The following CYBB variants were observed in gnomAD, a reference collection of about 807,000 sequenced individuals.
CYBB encodes the protein cytochrome b-245 beta chain.
Under a neutral mutation model 46.5 loss-of-function variants are expected in CYBB, and 5 were observed. That is an observed-to-expected ratio of 0.11 (90% CI 0.06 to 0.23). The LOEUF is 0.23. Ranked by LOEUF, CYBB falls within the 10% of genes least tolerant of loss-of-function variation. The probability of loss-of-function intolerance (pLI) is 1.00; values close to 1 mark genes in which losing one functional copy is unlikely to be tolerated. For missense variants in CYBB, 307 were observed against 428.3 expected, an observed-to-expected ratio of 0.72 and a Z score of 2.50; for synonymous variants, 183 against 156.7, an observed-to-expected ratio of 1.17 and a Z score of -1.26.
At chrX:37,783,410 C>A in intron 2 of CYBB, 80 bp from the exon 3 acceptor site, 1 of 646,154 alleles carries the variant, frequency 1.5e-6, no homozygotes, top group Non-Finnish European at 2.6e-6. Flanking sequence ...TGGCCTCATG[C>A]TAAGAACCTT....
At chrX:37,793,897 CA>C (rs367874125) in intron 5 of CYBB, 87 bp downstream of exon 5, 72,180 of 583,795 alleles carry the variant, frequency 0.12, 1 homozygote, top group East Asian at 0.15. Flanking sequence ...TCTCCTTTGC[CA>C]AAAAAAAAAA....
intron 6 of CYBB, among the ~76,000 whole-genome samples, chrX:37,798,524 C>T (rs1220554878): frequency 8.9e-6 from 1 of 112,012 alleles, no homozygotes; most frequent in East Asian, 2.8e-4. Context: ...AAAGTTAGCC[C>T]ACACTTTGAT....
At chrX:37,790,108 GAAAC>G (rs1390331819) in intron 3 of CYBB, among the ~76,000 whole-genome samples, 3 of 111,824 alleles carry the variant, frequency 2.7e-5, no homozygotes, top group East Asian at 2.8e-4. Context: ...ACCAAAGAAC[GAAAC>G]AAACAAAGTA....
chrX:37,809,764 A>ACTT lies in CYBB; in HGVS notation c.1586+74_1586+76dup, dbSNP rs112437014. 2.7e-3 allele frequency: 2,876 copies of ACTT among 1,081,287 alleles called. 50 individuals carry two copies. In the African/African-American group the frequency reaches 0.047, roughly 18 times the overall value. 89.1% of individuals were successfully genotyped at this position (1,081,287 alleles called of 1,213,427 possible). A position where few individuals can be genotyped will look rare whatever the true frequency, so the allele number is the denominator to read the frequency against. Reference sequence around the variant, plus strand: ...AGCGGCAGCCCCTATACATATCTAAACTTATATATTTTAGAAACTCAAATA... The same window carrying ACTT: ...AGCGGCAGCCCCTATACATATCTAAACTTCTTATATATTTTAGAAACTCAAATA... On this transcript the variant is annotated intron_variant, in intron 12 of 12. Coordinates refer to ENST00000378588, the MANE Select transcript of CYBB (RefSeq NM_000397.4).
At position 37,783,484 on chromosome X, in the gene CYBB, T is replaced by C. The variant is rs373947610; in HGVS notation, c.142-6T>C. The C allele has an allele frequency of 6.0e-5, 70 of 1,175,572 alleles. No homozygotes were observed. The highest frequency in any genetic ancestry group is 1.8e-4 in the South Asian group (10 of 56,032). On this transcript the variant is annotated splice_region_variant and splice_polypyrimidine_tract_variant and intron_variant, in intron 2 of 12. Transcript: ENST00000378588. Reference sequence around the variant, plus strand: ...GTCACTCTGCTCCCTTTCCCGCCTCTTCTAGTCAGCACTGGCACTGGCCAG... The same window carrying C: ...GTCACTCTGCTCCCTTTCCCGCCTCCTCTAGTCAGCACTGGCACTGGCCAG...
At chrX:37,797,653 TCTTA>T (rs1364127212) in intron 6 of CYBB, among the ~76,000 whole-genome samples, 3 of 112,243 alleles carry the variant, frequency 2.7e-5, no homozygotes, top group Non-Finnish European at 5.6e-5. Context: ...TTTTTTGGAC[TCTTA>T]CTTTGTGTCT....
chrX:37,792,085 A>ACTCCCTGGTT, intron 4 of CYBB, 26 bp downstream of exon 4: 3 of 1,022,919 alleles, frequency 2.9e-6, no homozygotes, highest in Non-Finnish European at 4.1e-6. Flanking sequence ...AAAACTTGGA[A>ACTCCCTGGTT]CCAGGGAGTT....
intron 3 of CYBB, 132 bp from the exon 4 acceptor site, chrX:37,791,843 C>A (rs1004336837): frequency 2.7e-5 from 14 of 511,679 alleles, no homozygotes; most frequent in African/African-American, 4.7e-5. Context: ...CCTCATTTAT[C>A]AAATAGATAT....
Position 37,809,114 on chromosome X carries a change from G to T in CYBB, c.1462-453G>T, listed in dbSNP as rs188868639. Among the ~76,000 whole-genome samples the T allele has an allele frequency of 1.7e-4, 19 of 112,260 alleles. No homozygotes were observed. In the East Asian group the frequency reaches 5.3e-3, roughly 31 times the overall value. The stretch of plus-strand genomic sequence containing the variant: ...TGATGTCTTATGCTACCAAAGTATT[G>T]CTGCATTTTAGTCTAAAATTGTTAC... On this transcript the variant is annotated intron_variant, in intron 11 of 12. Transcript: ENST00000378588.
chrX:37,799,181 G>A (rs1248841377), intron 7 of CYBB, 97 bp downstream of exon 7: 37 of 836,572 alleles, frequency 4.4e-5, no homozygotes, highest in Non-Finnish European at 6.4e-5. Context: ...CTATATAGAT[G>A]TCCATTACAA....
rs58215140 is a variant in CYBB, at chrX:37,789,474, G to GGAAA, written c.253-2482_253-2479dup. Among the ~76,000 whole-genome samples, 277 of 83,029 alleles carry GGAAA rather than the reference G, an allele frequency of 3.3e-3. 1 individual carries two copies. Among genetic ancestry groups the GGAAA allele is most frequent in the African/African-American group, 9.6e-3 (210 of 21,962 alleles). The allele number at this position is 83,029 out of a possible 115,157, so 72.1% of individuals were successfully genotyped here. On this transcript the variant is annotated intron_variant, in intron 3 of 12. Transcript: ENST00000378588. ...TTTAAGAAGCCAAAGAAAGAAAGAAGGAAAGAAAGAAAGAAAGAAAGAGAA... is the reference window on the plus strand; with the variant it reads ...TTTAAGAAGCCAAAGAAAGAAAGAAGGAAAGAAAGAAAGAAAGAAAGAAAGAGAA...
At chrX:37,791,670 G>GT (rs1336773320) in intron 3 of CYBB, among the ~76,000 whole-genome samples, 4 of 111,866 alleles carry the variant, frequency 3.6e-5, no homozygotes, top group Admixed American at 2.8e-4. Context: ...AGCTAGATAT[G>GT]TTTTTTGTAC....
intron 5 of CYBB, among the ~76,000 whole-genome samples, chrX:37,795,122 A>G (rs1413179347): frequency 9.0e-6 from 1 of 111,262 alleles, no homozygotes; most frequent in Non-Finnish European, 1.9e-5. Flanking sequence ...ACTCTTCTAA[A>G]TGTTTTCATT....
intron 3 of CYBB, among the ~76,000 whole-genome samples, chrX:37,789,474 GGAAAGAAA>G (rs58215140): frequency 3.6e-5 from 3 of 83,006 alleles, no homozygotes; most frequent in Non-Finnish European, 7.1e-5. Context: ...AAAGAAAGAA[GGAAAGAAA>G]GAAAGAAAGA....
chrX:37,796,545 A>G (rs1003743784), intron 6 of CYBB, among the ~76,000 whole-genome samples: 17 of 111,684 alleles, frequency 1.5e-4, no homozygotes, highest in Non-Finnish European at 3.2e-4. Context: ...TTATAGTTCA[A>G]TAAGTTTTGA....
At chrX:37,794,840 G>C (rs1188934527) in intron 5 of CYBB, among the ~76,000 whole-genome samples, 1 of 111,619 alleles carries the variant, frequency 9.0e-6, no homozygotes, top group Non-Finnish European at 1.9e-5. Flanking sequence ...ATGTTTTCTT[G>C]TGTTTAGAAA....
rs141740439 is a variant in CYBB at position 37,794,658 on chromosome X, G to A, written c.483+848G>A. Among the ~76,000 whole-genome samples the A allele has an allele frequency of 0.01, 1,158 of 111,326 alleles. 9 individuals carry two copies. Among genetic ancestry groups the A allele is most frequent in the Non-Finnish European group, 0.016 (850 of 52,973 alleles). On this transcript the variant is annotated intron_variant, in intron 5 of 12. Coordinates refer to ENST00000378588, the MANE Select transcript of CYBB (RefSeq NM_000397.4). ...CTTGAGAAGCACATGTGCACTGGGA[G>A]TAACTCAGCATTTCTCTAGGGGTAG...
rs1556471116 is a variant in CYBB at position 37,804,969 on chromosome X, A to G, written c.1152-37A>G. On this transcript the variant is annotated intron_variant, in intron 9 of 12. Coordinates refer to ENST00000378588, the MANE Select transcript of CYBB (RefSeq NM_000397.4). ...GCCCCATCTCACTCTGAAGAGCAAGACATCTCTGTAACTATCTCCTCCCCA... is the reference window on the plus strand; with the variant it reads ...GCCCCATCTCACTCTGAAGAGCAAGGCATCTCTGTAACTATCTCCTCCCCA... The G allele has an allele frequency of 2.5e-6, 3 of 1,192,911 alleles. No homozygotes were observed. In the Admixed American group the frequency reaches 6.6e-5, roughly 26 times the overall value.
At chrX:37,801,178 A>T in intron 7 of CYBB, 78 bp from the exon 8 acceptor site, 1 of 685,630 alleles carries the variant, frequency 1.5e-6, no homozygotes, top group South Asian at 2.1e-5. Flanking sequence ...CTTGGCTTCT[A>T]AAATTTTTCT....
Sources: gnomAD v4.1 joint callset for allele counts (sites outside exome capture counted in the v4.1 genomes callset) on GRCh38, gnomAD v4.1.1 for gene constraint, MANE v1.5 for transcripts, NCBI Gene and HGNC (gene_info 2026-07-23, HGNC 2026-07-21) for gene names.